Variants in HCFC1 observed in about 807,000 individuals in gnomAD.
HCFC1 encodes host cell factor C1.
A neutral mutation model predicts 105.5 loss-of-function variants in HCFC1; 7 were observed. The ratio of observed to expected loss-of-function variants is 0.07; its 90% CI spans 0.04 to 0.12. HCFC1 has a LOEUF of 0.12. Ranked by LOEUF, HCFC1 falls within the 10% of genes least tolerant of loss-of-function variation. The pLI is 1.00. For synonymous variants in HCFC1, 918 were observed against 828.1 expected (o/e 1.11, Z -1.86); for missense variants, 1,065 against 1,823.6 (o/e 0.58, Z 7.58).
Position 153,949,023 on chromosome X carries a change from T to G in HCFC1, c.*324A>C. ...CCTGGCCCTCAGGAACGCACAGCCT[T>G]GGGAGGGCGGAGCTGGCTGTCCTCA... On this transcript the variant is annotated 3_prime_UTR_variant, in exon 26 of 26. Coordinates refer to ENST00000310441, the MANE Select transcript of HCFC1 (RefSeq NM_005334.3). The G allele has an allele frequency of 5.4e-6, 1 of 184,441 alleles. No homozygotes were observed. The highest frequency in any genetic ancestry group is 9.9e-6 in the Non-Finnish European group (1 of 100,730). 15.2% of individuals were successfully genotyped at this position (184,441 alleles called of 1,213,427 possible).
intron 1 of HCFC1, among the ~76,000 whole-genome samples, chrX:153,968,730 C>T (rs1245229618): frequency 2.7e-5 from 3 of 112,796 alleles, no homozygotes; most frequent in East Asian, 2.8e-4. Context: ...ACTCTGGAGC[C>T]GACTGTAATT....
In HCFC1 at chrX:153,959,444, T is replaced by C. The variant is rs1418284758; in HGVS notation, c.1492A>G (p.Thr498Ala). Residue 498 changes from threonine (T) to alanine (A), a missense_variant, in exon 9 of 26, where the codon ACT becomes GCT. Thr to Ala is a moderately conservative substitution (Grantham distance 58). This residue lies in a region of HCFC1 where 101 missense variants were observed against 155.1 expected (regional missense o/e 0.65). Transcript: ENST00000310441. ...GCAGGTCGCATGGTGACCAATGGAG[T>C]TCCTGTTGTAGCCTGAGGACCGGTC... ...KVTGPQATTGTPLVTMRPASQ... is the reference protein window; with the variant it reads ...KVTGPQATTGAPLVTMRPASQ... 1 of 1,209,641 alleles carries C rather than the reference T, an allele frequency of 8.3e-7. No homozygotes were observed. The highest frequency in any genetic ancestry group is 1.1e-6 in the Non-Finnish European group (1 of 894,892).
intron 18 of HCFC1, among the ~76,000 whole-genome samples, chrX:153,953,365 C>G (rs2065333868): frequency 8.9e-6 from 1 of 112,420 alleles, no homozygotes; most frequent in Non-Finnish European, 1.9e-5. Context: ...CTTATACAGG[C>G]TGCGGTGAAG....
At chrX:153,957,618 C>T (rs1331733064) in intron 12 of HCFC1, 85 bp from the exon 13 acceptor site, 12 of 876,305 alleles carry the variant, frequency 1.4e-5, no homozygotes, top group East Asian at 9.5e-5. Context: ...GCAGCCTTGG[C>T]GGCTCAGGGA....
chrX:153,959,870 G>C lies in HCFC1; in HGVS notation c.1376C>G (p.Thr459Ser). The C allele has an allele frequency of 8.4e-7, 1 of 1,195,170 alleles. No homozygotes were observed. Residue 459 changes from threonine (T) to serine (S), a missense_variant, in exon 8 of 26, where the codon ACC (threonine) becomes AGC (serine). Thr to Ser is a moderately conservative substitution (Grantham distance 58). Around this residue, in one of 17 missense-constraint regions of HCFC1, gnomAD observed 101 missense variants for 155.1 expected, o/e 0.65. Coordinates refer to ENST00000310441, the MANE Select transcript of HCFC1 (RefSeq NM_005334.3). ...PQAAPAPPTT[T>S]TIQVLPTVPG... ...CACCGTTGGCAAGACCTGGATGGTG[G>C]TGGTGGTCGGGGGTGCGGGGGCAGC...
intron 16 of HCFC1, among the ~76,000 whole-genome samples, 165 bp downstream of exon 16, chrX:153,956,026 G>A (rs1482012740): frequency 2.7e-5 from 3 of 113,207 alleles, no homozygotes; most frequent in Non-Finnish European, 5.6e-5. Context: ...CAGGGACCAT[G>A]TGACACCAGG....
chrX:153,957,351 G>T lies in HCFC1; in HGVS notation c.2316C>A (p.Ile772=). The change falls in exon 13 of 26, where the codon ATC becomes ATA. Residue 772 remains isoleucine (I), a synonymous_variant. Coordinates refer to ENST00000310441, the MANE Select transcript of HCFC1 (RefSeq NM_005334.3). ...KPGTTTIIKT[I]PMSAIITQAG... ...CCTGGGTGATGATGGCCGACATGGGGATGGTTTTGATGATGGTGGTCGTGC... is the reference window on the plus strand; with the variant it reads ...CCTGGGTGATGATGGCCGACATGGGTATGGTTTTGATGATGGTGGTCGTGC... The T allele has an allele frequency of 1.7e-6, 2 of 1,203,976 alleles. No individual in the cohort carries two copies. The highest frequency in any genetic ancestry group is 1.1e-6 in the Non-Finnish European group (1 of 889,635).
rs782329550 is a variant in HCFC1 at position 153,950,790 on chromosome X, G to A, written c.5703+23C>T. On this transcript the variant is annotated intron_variant, in intron 23 of 25. Transcript: ENST00000310441. ...AGGCAGAAACCAACCAGGGACAGAC[G>A]GCCACCCCACAGCAAGACTCACTTT... 7.5e-6 allele frequency: 9 copies of A among 1,198,075 alleles called. No homozygotes were observed. In the Admixed American group the frequency reaches 8.8e-5, roughly 12 times the overall value.
rs1603294189 is a variant in HCFC1 at position 153,950,463 on chromosome X, G to A, written c.5784C>T (p.Ala1928=). Residue 1928 remains alanine (A), a synonymous_variant, in exon 24 of 26, where the codon GCC becomes GCT. Coordinates refer to ENST00000310441, the MANE Select transcript of HCFC1 (RefSeq NM_005334.3). Reference sequence around the variant, plus strand: ...CGCCCCCAGCCTGTGAGCTCTGGATGGCCAGGTACACGGAGTACTCGATAA... The same window carrying A: ...CGCCCCCAGCCTGTGAGCTCTGGATAGCCAGGTACACGGAGTACTCGATAA... ...GKIIEYSVYL[A]IQSSQAGGEL... 2 of 1,204,152 alleles carry A rather than the reference G, an allele frequency of 1.7e-6. No individual in the cohort carries two copies. The highest frequency in any genetic ancestry group is 2.2e-5 in the Admixed American group (1 of 45,359).
chrX:153,959,574 C>T (rs2065409964), intron 8 of HCFC1, 83 bp from the exon 9 acceptor site: 2 of 1,088,861 alleles, frequency 1.8e-6, no homozygotes, highest in African/African-American at 3.6e-5. Flanking sequence ...TGAGCCACTT[C>T]TGTTGGCCTG....
intron 1 of HCFC1, among the ~76,000 whole-genome samples, chrX:153,965,850 T>C (rs1557118270): frequency 2.7e-5 from 3 of 111,868 alleles, no homozygotes; most frequent in Non-Finnish European, 5.7e-5. Context: ...AAAAACAGTG[T>C]TTTTTTTCCA....
chrX:153,971,715 G>A lies in HCFC1; in HGVS notation c.-875C>T. On this transcript the variant is annotated 5_prime_UTR_variant, in exon 1 of 26. Coordinates refer to ENST00000310441, the MANE Select transcript of HCFC1 (RefSeq NM_005334.3). ...CTTATGACTCCTTCCCACAGGAGCC[G>A]CTTCAAAGAGCTAGAGTTAGGCCCC... 3.4e-6 allele frequency: 1 copy of A among 297,884 alleles called. No individual in the cohort carries two copies. The highest frequency in any genetic ancestry group is 5.9e-6 in the Non-Finnish European group (1 of 170,261). The allele number at this position is 297,884 out of a possible 1,213,427, so 24.5% of individuals were successfully genotyped here. A position where few individuals can be genotyped will look rare whatever the true frequency, so the allele number is the denominator to read the frequency against.
intron 5 of HCFC1, among the ~76,000 whole-genome samples, chrX:153,961,958 AAC>A (rs1448413098): frequency 8.9e-6 from 1 of 112,161 alleles, no homozygotes; most frequent in African/African-American, 3.3e-5. Flanking sequence ...GAGGACCTAG[AAC>A]ACTCTGTACC....
At chrX:153,969,869 G>A (rs892388515) in intron 1 of HCFC1, 3 of 112,993 alleles carry the variant, frequency 2.7e-5, no homozygotes, top group Non-Finnish European at 5.6e-5. Flanking sequence ...AGGGGTAACT[G>A]GAATTCAGCT....
Position 153,950,554 on chromosome X carries a change from G to A in HCFC1, c.5704-11C>T, listed in dbSNP as rs1557112189. The A allele has an allele frequency of 7.8e-6, 9 of 1,149,959 alleles. No homozygotes were observed. The highest frequency in any genetic ancestry group is 2.1e-5 in the South Asian group (1 of 48,348). The allele number at this position is 1,149,959 out of a possible 1,213,427, so 94.8% of individuals were successfully genotyped here. ...AGCACCATCCGGACTCTAGAAGCCA[G>A]GGGGTCAGAAGGTCAACAGAACAGG... is the stretch of plus-strand genomic sequence containing the variant. On this transcript the variant is annotated splice_polypyrimidine_tract_variant and intron_variant, in intron 23 of 25. Transcript: ENST00000310441.
intron 24 of HCFC1, 141 bp downstream of exon 24, chrX:153,950,102 C>T (rs2065295946): frequency 1.6e-6 from 1 of 638,702 alleles, no homozygotes; most frequent in Non-Finnish European, 2.3e-6. Context: ...ATGGCCACCC[C>T]CGTGGGGGGC....
At chrX:153,952,347 C>T (rs909103035) in intron 19 of HCFC1, among the ~76,000 whole-genome samples, 167 bp downstream of exon 19, 3 of 113,882 alleles carry the variant, frequency 2.6e-5, no homozygotes, top group Admixed American at 9.2e-5. Context: ...CTGTTCTACA[C>T]GGCAGTCTCT....
chrX:153,950,292 G>C lies in HCFC1; in HGVS notation c.5955C>G (p.Ala1985=). Residue 1985 remains alanine, a synonymous_variant, in exon 24 of 26, where the codon GCC becomes GCG. Transcript: ENST00000310441. Reference sequence around the variant, plus strand: ...CCGGGCCATAGCCCTTCTCATTGCGGGCGGCGATGCGGAAGATGATGGCGG... The same window carrying C: ...CCGGGCCATAGCCCTTCTCATTGCGCGCGGCGATGCGGAAGATGATGGCGG... The part of the protein sequence containing the change: ...TKPAIIFRIA[A]RNEKGYGPAT... The C allele has an allele frequency of 8.3e-7, 1 of 1,206,333 alleles. No individual in the cohort carries two copies. Among genetic ancestry groups the C allele is most frequent in the Non-Finnish European group, 1.1e-6 (1 of 892,927 alleles).
At position 153,954,274 on chromosome X, in the gene HCFC1, G is replaced by A. The variant is rs946537625; in HGVS notation, c.4125C>T (p.Ala1375=). Reference sequence around the variant, plus strand: ...GGGAAGAAGTGGCGTCGGGAAGCAGGGCACCCACGCTGACCGACATGGTGG... The same window carrying A: ...GGGAAGAAGTGGCGTCGGGAAGCAGAGCACCCACGCTGACCGACATGGTGG... ...TGTTMSVSVG[A]LLPDATSSHR... is the part of the protein sequence containing the mutation. The change falls in exon 17 of 26, where the codon GCC becomes GCT. Residue 1375 remains alanine, a synonymous_variant. Coordinates refer to ENST00000310441, the MANE Select transcript of HCFC1 (RefSeq NM_005334.3). 5 of 1,202,729 alleles carry A rather than the reference G, an allele frequency of 4.2e-6. No homozygotes were observed. The highest frequency in any genetic ancestry group is 2.2e-5 in the Admixed American group (1 of 45,737).
Sources: allele counts gnomAD v4.1 joint callset (sites outside exome capture counted in the v4.1 genomes callset), GRCh38; gene constraint gnomAD v4.1.1; regional missense constraint gnomAD v4.1.1; transcripts MANE v1.5; gene names NCBI Gene and HGNC (gene_info 2026-07-23, HGNC 2026-07-21).